The following RBBP7 variants were observed in gnomAD, a reference collection of about 807,000 sequenced individuals.
RBBP7 encodes the protein histone-binding protein RBBP7.
In RBBP7, 5 loss-of-function variants were observed where a neutral mutation model predicts 35.2. The ratio of observed to expected loss-of-function variants is 0.14; its 90% confidence interval spans 0.07 to 0.30. The LOEUF (loss-of-function observed/expected upper bound fraction) is 0.30. RBBP7 is among the 10% of genes least tolerant of loss of function. The probability of loss-of-function intolerance (pLI) is 1.00; values close to 1 mark genes in which losing one functional copy is unlikely to be tolerated. For synonymous variants in RBBP7, 140 were observed against 118.7 expected, an observed-to-expected ratio of 1.18 and a Z score of -1.17; for missense variants, 155 against 327.5, an observed-to-expected ratio of 0.47 and a Z score of 4.07.
chrX:16,865,812 A>G (rs1389173278), intron 2 of RBBP7, among the ~76,000 whole-genome samples: 1 of 112,517 alleles, frequency 8.9e-6, no homozygotes, highest in Non-Finnish European at 1.9e-5. Flanking sequence ...ATAACTAAGT[A>G]TCCATCAGCA....
At chrX:16,861,569 A>C (rs1389371475) in intron 3 of RBBP7, among the ~76,000 whole-genome samples, 2 of 111,641 alleles carry the variant, frequency 1.8e-5, no homozygotes, top group Admixed American at 1.9e-4. Flanking sequence ...AGTGGTCTTA[A>C]ACTCCCAGGC....
chrX:16,863,256 A>G (rs1408412549), intron 2 of RBBP7, among the ~76,000 whole-genome samples, 156 bp from the exon 3 acceptor site: 1 of 112,226 alleles, frequency 8.9e-6, no homozygotes, highest in Non-Finnish European at 1.9e-5. Context: ...TACCAACTTT[A>G]CAATCCCCAC....
intron 1 of RBBP7, chrX:16,869,466 T>A: frequency 1.7e-6 from 2 of 1,161,904 alleles, no homozygotes; most frequent in Non-Finnish European, 2.3e-6. Context: ...GACATGGAAA[T>A]TGTTTACCCT....
In RBBP7 at chrX:16,852,443, G is replaced by A. The variant is rs768500746; in HGVS notation, c.963+108C>T. ...TATGAGCATCTCCATGTAACACCACGTACAAGACATTTTTTTCAATAGTGG... is the reference window on the plus strand; with the variant it reads ...TATGAGCATCTCCATGTAACACCACATACAAGACATTTTTTTCAATAGTGG... On this transcript the variant is annotated intron_variant, in intron 8 of 11. Coordinates refer to ENST00000380087, the MANE Select transcript of RBBP7 (RefSeq NM_002893.4). 1.8e-5 allele frequency: 15 copies of A among 854,407 alleles called. No homozygotes were observed. The East Asian group carries it at 3.1e-4, about 18-fold the overall frequency. The allele number at this position is 854,407 out of a possible 1,213,427, so 70.4% of individuals were successfully genotyped here.
At chrX:16,846,376 T>G (rs1282448256) in intron 10 of RBBP7, 1 of 113,483 alleles carries the variant, frequency 8.8e-6, no homozygotes, top group Non-Finnish European at 1.8e-5. Flanking sequence ...ATCCGTTATA[T>G]GCCATGTAAC....
intron 3 of RBBP7, among the ~76,000 whole-genome samples, chrX:16,862,513 C>T (rs1930500755): frequency 9.1e-6 from 1 of 110,258 alleles, no homozygotes; most frequent in Non-Finnish European, 1.9e-5. Flanking sequence ...CCTTCCTATA[C>T]CAGTGCCTAC....
chrX:16,855,697 G>A (rs141171672), intron 5 of RBBP7, among the ~76,000 whole-genome samples: 74 of 110,849 alleles, frequency 6.7e-4, no homozygotes, highest in East Asian at 4.5e-3. Flanking sequence ...TTGGGAAACC[G>A]TCTCATACAC....
intron 3 of RBBP7, among the ~76,000 whole-genome samples, chrX:16,860,293 C>T (rs769847843): frequency 4.1e-4 from 19 of 46,718 alleles, no homozygotes; most frequent in African/African-American, 2.1e-3. Context: ...GGGGGGGGGG[C>T]GGGGCTTCCA....
intron 9 of RBBP7, among the ~76,000 whole-genome samples, chrX:16,851,689 C>T (rs1930216852): frequency 8.9e-6 from 1 of 111,877 alleles, no homozygotes; most frequent in South Asian, 3.7e-4. Flanking sequence ...AAAAACAGTC[C>T]TGCCTACACG....
intron 1 of RBBP7, chrX:16,869,815 G>A (rs1602431163): frequency 3.3e-6 from 3 of 913,031 alleles, no homozygotes; most frequent in Non-Finnish European, 4.1e-6. Context: ...AGGGAAGAGG[G>A]GGGCCCAGCC....
chrX:16,854,038 C>T (rs1185195679), intron 5 of RBBP7, among the ~76,000 whole-genome samples, 196 bp from the exon 6 acceptor site: 1 of 110,111 alleles, frequency 9.1e-6, no homozygotes, highest in Non-Finnish European at 1.9e-5. Flanking sequence ...AGCCACCATG[C>T]CTGGCTCATT....
At chrX:16,845,784 T>C in intron 11 of RBBP7, 44 bp downstream of exon 11, 1 of 1,178,517 alleles carries the variant, frequency 8.5e-7, no homozygotes, top group Middle Eastern at 2.4e-4. Flanking sequence ...GTAGTAAATC[T>C]CTCCTTTACA....
At chrX:16,863,219 C>T in intron 2 of RBBP7, 119 bp from the exon 3 acceptor site, 1 of 702,789 alleles carries the variant, frequency 1.4e-6, no homozygotes, top group South Asian at 3.3e-5. Context: ...TACTTAGCAT[C>T]AACTGTGTAT....
At chrX:16,866,690 G>T (rs949754279) in intron 2 of RBBP7, among the ~76,000 whole-genome samples, 3 of 110,865 alleles carry the variant, frequency 2.7e-5, no homozygotes, top group African/African-American at 9.9e-5. Context: ...TTGTAAGTCA[G>T]CAGAAGAAAG....
At chrX:16,868,212 C>T (rs1045678862) in intron 2 of RBBP7, among the ~76,000 whole-genome samples, 2 of 111,690 alleles carry the variant, frequency 1.8e-5, no homozygotes, top group South Asian at 7.4e-4. Flanking sequence ...TTCCAAAGCA[C>T]TAGGATTACA....
chrX:16,853,445 C>A (rs977674777), intron 6 of RBBP7: 32 of 275,186 alleles, frequency 1.2e-4, no homozygotes, highest in Non-Finnish European at 1.7e-4. Context: ...CAGGTGCACA[C>A]CACCATACCC....
Position 16,852,067 on chromosome X carries a change from C to T in RBBP7, c.1019G>A (p.Arg340His). ...TTACCTTAAATCCCACACATTCAGGCGGCGGTCAGTACCACTTGAAGCCAG... is the reference window on the plus strand; with the variant it reads ...TTACCTTAAATCCCACACATTCAGGTGGCGGTCAGTACCACTTGAAGCCAG... ...TILASSGTDR[R>H]LNVWDLSKIG... The change falls in exon 9 of 12, where the codon CGC becomes CAC. Residue 340 changes from arginine to histidine, a missense_variant. Physicochemically the swap from Arg to His is conservative, Grantham distance 29. Transcript: ENST00000380087. 2 of 1,206,390 alleles carry T rather than the reference C, an allele frequency of 1.7e-6. No homozygotes were observed. Among genetic ancestry groups the T allele is most frequent in the South Asian group, 1.8e-5 (1 of 56,615 alleles).
chrX:16,863,082 A>G lies in RBBP7; in HGVS notation c.180T>C (p.Tyr60=). ...PEVTKPEGKD[Y]ALHWLVLGTH... ...TCCCCAGCACTAGCCAATGAAGGGC[A>G]TAATCTTTTCCTTCAGGTCTGTTTA... Residue 60 remains tyrosine (Y), a synonymous_variant, in exon 3 of 12, where the codon TAT becomes TAC. Transcript: ENST00000380087. 2 of 1,210,533 alleles carry G rather than the reference A, an allele frequency of 1.7e-6. No individual in the cohort carries two copies. Among genetic ancestry groups the G allele is most frequent in the Non-Finnish European group, 1.1e-6 (1 of 894,469 alleles).
At chrX:16,861,354 G>A (rs765410723) in intron 3 of RBBP7, among the ~76,000 whole-genome samples, 2 of 111,647 alleles carry the variant, frequency 1.8e-5, no homozygotes, top group African/African-American at 6.5e-5. Context: ...CTACACTAGA[G>A]AATGTAGTAT....
Sources: gnomAD v4.1 joint callset for allele counts (sites outside exome capture counted in the v4.1 genomes callset) on GRCh38, gnomAD v4.1.1 for gene constraint, MANE v1.5 for transcripts, NCBI Gene and HGNC (gene_info 2026-07-23, HGNC 2026-07-21) for gene names.